SH3RF1: variants seen among roughly 807,000 people sequenced by gnomAD.
SH3RF1 encodes SH3 domain containing ring finger 1, also known as E3 ubiquitin-protein ligase SH3RF1.
SH3RF1 carries 32 observed loss-of-function variants against 74.0 expected under a neutral mutation model. That is an observed-to-expected ratio of 0.43 (90% CI 0.33 to 0.58). SH3RF1 has a LOEUF of 0.58. Ranked by LOEUF, SH3RF1 falls within the 20% of genes least tolerant of loss-of-function variation. The pLI, the probability that SH3RF1 is intolerant of heterozygous loss-of-function variation, is 0.05. For missense variants in SH3RF1, 954 were observed against 1,130.9 expected (o/e 0.84, Z 2.24); for synonymous variants, 396 against 439.6 (o/e 0.90, Z 1.24).
At chr4:169,185,950 T>TA (rs1190729350) in intron 2 of SH3RF1, among the ~76,000 whole-genome samples, 4 of 152,152 alleles carry the variant, frequency 2.6e-5, no homozygotes, top group Admixed American at 6.5e-5. Context: ...TATTCGCACA[T>TA]ACCTTCACCC....
intron 2 of SH3RF1, among the ~76,000 whole-genome samples, chr4:169,157,999 A>G (rs188391989): frequency 6.6e-6 from 1 of 152,342 alleles, no homozygotes; most frequent in East Asian, 1.9e-4. Context: ...TTGGCCTCCC[A>G]AAGTGCTGGG....
intron 2 of SH3RF1, among the ~76,000 whole-genome samples, chr4:169,205,631 A>C (rs1207805819): frequency 6.6e-6 from 1 of 152,170 alleles, no homozygotes; most frequent in Non-Finnish European, 1.5e-5. Context: ...CACCTGTCAG[A>C]AAATCTTCAG....
intron 2 of SH3RF1, among the ~76,000 whole-genome samples, chr4:169,158,312 G>C (rs985019537): frequency 1.3e-5 from 2 of 152,162 alleles, no homozygotes; most frequent in African/African-American, 4.8e-5. Flanking sequence ...ATGAATGAAA[G>C]AGAACAGTAA....
intron 5 of SH3RF1, among the ~76,000 whole-genome samples, chr4:169,133,684 G>A (rs1387544359): frequency 6.6e-6 from 1 of 152,072 alleles, no homozygotes; most frequent in East Asian, 1.9e-4. Context: ...GGCTGAGGCA[G>A]GAGAATTGCT....
At chr4:169,218,612 A>G (rs1029451327) in intron 2 of SH3RF1, among the ~76,000 whole-genome samples, 1 of 151,306 alleles carries the variant, frequency 6.6e-6, no homozygotes, top group Non-Finnish European at 1.5e-5. Context: ...CTCACAGGGA[A>G]GGGCAGCTGC....
At chr4:169,104,410 T>C (rs1015061454) in intron 11 of SH3RF1, among the ~76,000 whole-genome samples, 1 of 152,030 alleles carries the variant, frequency 6.6e-6, no homozygotes, top group East Asian at 1.9e-4. Flanking sequence ...AGGAAAAAGG[T>C]TGACTCTTAG....
At chr4:169,259,349 T>C (rs1731238651) in intron 2 of SH3RF1, among the ~76,000 whole-genome samples, 1 of 152,152 alleles carries the variant, frequency 6.6e-6, no homozygotes, top group Admixed American at 6.5e-5. Context: ...TAATCTACTA[T>C]TTAACTGCTC....
At chr4:169,167,614 T>TA (rs561234958) in intron 2 of SH3RF1, among the ~76,000 whole-genome samples, 1 of 150,978 alleles carries the variant, frequency 6.6e-6, no homozygotes, top group Non-Finnish European at 1.5e-5. Flanking sequence ...CACATGTGAG[T>TA]AAAAAAAAAT....
intron 2 of SH3RF1, among the ~76,000 whole-genome samples, chr4:169,163,375 C>T (rs9312446): frequency 0.082 from 12,432 of 152,148 alleles, 999 homozygotes; most frequent in African/African-American, 0.21. Flanking sequence ...CCTGGATTTT[C>T]CTCTCCTACA....
chr4:169,255,283 A>C (rs540051314), intron 2 of SH3RF1, among the ~76,000 whole-genome samples: 1 of 152,294 alleles, frequency 6.6e-6, no homozygotes, highest in East Asian at 1.9e-4. Flanking sequence ...AAAATATATA[A>C]ATTTATTGAA....
At chr4:169,149,181 CTT>C (rs1361225475) in intron 4 of SH3RF1, among the ~76,000 whole-genome samples, 16 of 152,154 alleles carry the variant, frequency 1.1e-4, no homozygotes, top group Non-Finnish European at 2.1e-4. Flanking sequence ...AAAAGAAACT[CTT>C]AAATTAGAAA....
In SH3RF1 at chr4:169,256,767, A is replaced by T. The variant is rs572113139; in HGVS notation, c.393+12053T>A. On this transcript the variant is annotated intron_variant, in intron 2 of 11. Coordinates refer to ENST00000284637, the MANE Select transcript of SH3RF1 (RefSeq NM_020870.4). ...GCATGCCACCATGCCCAGCTAATTT[A>T]AAAAAAAAATTTAGAAGGGGGATGG... 3.3e-5 allele frequency among the ~76,000 whole-genome samples: 5 copies of T among 150,140 alleles called. No individual in the cohort carries two copies. The South Asian group carries it at 6.3e-4, about 19-fold the overall frequency.
chr4:169,259,355 T>C (rs1731238743), intron 2 of SH3RF1, among the ~76,000 whole-genome samples: 1 of 152,174 alleles, frequency 6.6e-6, no homozygotes, highest in Non-Finnish European at 1.5e-5. Context: ...ACTATTTAAC[T>C]GCTCTGTCAG....
Position 169,136,518 on chromosome 4 carries a change from G to C in SH3RF1, c.868C>G (p.Pro290Ala), listed in dbSNP as rs1424268588. The change falls in exon 5 of 12, where the codon CCA becomes GCA. Residue 290 changes from proline (P) to alanine (A), a missense_variant. Pro to Ala is a conservative substitution (Grantham distance 27, BLOSUM62 -1). Coordinates refer to ENST00000284637, the MANE Select transcript of SH3RF1 (RefSeq NM_020870.4). ...TTCTTCTTGGTGTCGGAGTGCTTTG[G>C]GGCAGTGCTGCTCTGGGCTGCTGCC... ...SSAAAQSSTAPKHSDTKKNTK... is the reference protein window; with the variant it reads ...SSAAAQSSTAAKHSDTKKNTK... 1 of 1,613,628 alleles carries C rather than the reference G, an allele frequency of 6.2e-7. No individual in the cohort carries two copies. The highest frequency in any genetic ancestry group is 1.3e-5 in the African/African-American group (1 of 74,848).
At chr4:169,102,963 G>C (rs1322646859) in intron 11 of SH3RF1, among the ~76,000 whole-genome samples, 1 of 129,994 alleles carries the variant, frequency 7.7e-6, no homozygotes, top group African/African-American at 2.9e-5. Flanking sequence ...GCTCTGTCAG[G>C]CTGGATGGAG....
intron 4 of SH3RF1, among the ~76,000 whole-genome samples, chr4:169,139,711 A>T (rs1235157198): frequency 6.6e-6 from 1 of 152,196 alleles, no homozygotes; most frequent in Non-Finnish European, 1.5e-5. Flanking sequence ...TTTATGCAGA[A>T]TCATGTGTAT....
chr4:169,199,997 T>C (rs1351266816), intron 2 of SH3RF1, among the ~76,000 whole-genome samples: 1 of 151,852 alleles, frequency 6.6e-6, no homozygotes, highest in East Asian at 1.9e-4. Flanking sequence ...TCCAGGCAAA[T>C]ATGAACCTAA....
At chr4:169,217,898 G>T (rs1055141661) in intron 2 of SH3RF1, among the ~76,000 whole-genome samples, 1 of 152,094 alleles carries the variant, frequency 6.6e-6, no homozygotes, top group Non-Finnish European at 1.5e-5. Context: ...ATGTTTTCCA[G>T]CTTCATTGAT....
In SH3RF1 at chr4:169,095,751, G is replaced by C. The variant is rs929012144; in HGVS notation, c.*768C>G. On this transcript the variant is annotated 3_prime_UTR_variant, in exon 12 of 12. Coordinates refer to ENST00000284637, the MANE Select transcript of SH3RF1 (RefSeq NM_020870.4). ...TATTTCTAAATACATTTTGTTCAAG[G>C]GTTGTGCTGTATTCTTTCTCATTGT... The C allele has an allele frequency of 3.3e-5, 5 of 152,472 alleles. No individual in the cohort carries two copies. Among genetic ancestry groups the C allele is most frequent in the African/African-American group, 9.7e-5 (4 of 41,392 alleles). The allele number at this position is 152,472 out of a possible 1,614,324, so 9.4% of individuals were successfully genotyped here.
Sources: allele counts gnomAD v4.1 joint callset (sites outside exome capture counted in the v4.1 genomes callset), GRCh38; gene constraint gnomAD v4.1.1; transcripts MANE v1.5; gene names NCBI Gene and HGNC (gene_info 2026-07-23, HGNC 2026-07-21).